The following TMPRSS3 variants were observed in gnomAD, a reference collection of about 807,000 sequenced individuals.
The protein encoded by TMPRSS3 is transmembrane protease serine 3.
A neutral mutation model predicts 59.6 loss-of-function variants in TMPRSS3; 55 were observed. That is an observed-to-expected ratio of 0.92 (90% confidence interval 0.74 to 1.16). The LOEUF is 1.16. Ranked by LOEUF, TMPRSS3 falls within the 50% of genes most tolerant of loss-of-function variation. The probability of loss-of-function intolerance (pLI) is 0.00; values close to 1 mark genes in which losing one functional copy is unlikely to be tolerated. For synonymous variants in TMPRSS3, 257 were observed against 237.7 expected (o/e 1.08, Z -0.75); for missense variants, 596 against 579.4 (o/e 1.03, Z -0.29).
At chr21:42,390,832 A>G (rs2146454411) in intron 2 of TMPRSS3, among the ~76,000 whole-genome samples, 1 of 152,020 alleles carries the variant, frequency 6.6e-6, no homozygotes, top group South Asian at 2.1e-4. Context: ...CATGAAGATG[A>G]AGGCAGAGAT....
intron 6 of TMPRSS3, among the ~76,000 whole-genome samples, chr21:42,384,887 G>T (rs1006284739): frequency 6.6e-6 from 1 of 152,154 alleles, no homozygotes; most frequent in Non-Finnish European, 1.5e-5. Flanking sequence ...TTACCTGGTG[G>T]TTATTTAAGA....
chr21:42,381,767 A>G lies in TMPRSS3; in HGVS notation c.952+298T>C. 1.1e-5 allele frequency: 6 copies of G among 527,330 alleles called. No homozygotes were observed. In the South Asian group the frequency reaches 1.2e-4, roughly 11 times the overall value. The allele number at this position is 527,330 out of a possible 1,614,324, so 32.7% of individuals were successfully genotyped here. A position where few individuals can be genotyped will look rare whatever the true frequency, so the allele number is the denominator to read the frequency against. ...TCATTCTGTAGGCCAGGATCTACAA[A>G]CTACATTTAAACAGGGTAACATTGA... On this transcript the variant is annotated intron_variant, in intron 9 of 12. Transcript: ENST00000644384.
chr21:42,395,233 G>A (rs1020381674), intron 2 of TMPRSS3, 91 bp downstream of exon 2: 2 of 1,091,064 alleles, frequency 1.8e-6, no homozygotes, highest in Non-Finnish European at 2.8e-6. Flanking sequence ...TGGCTGGGGA[G>A]ATATTTCCCC....
At chr21:42,383,392 A>T in intron 7 of TMPRSS3, 194 bp from the exon 8 acceptor site, 1 of 641,968 alleles carries the variant, frequency 1.6e-6, no homozygotes, top group Middle Eastern at 4.1e-4. Flanking sequence ...AGACCTGAGG[A>T]TGGTGGGTGC....
Position 42,372,577 on chromosome 21 carries a change from A to T in TMPRSS3, c.*185T>A, listed in dbSNP as rs1341462406. ...TCCATCTCAAAAAAACAAAAAACAA[A>T]AAGCAGCTTGAAGGTTGTGCTGGAA... On this transcript the variant is annotated 3_prime_UTR_variant, in exon 13 of 13. Coordinates refer to ENST00000644384, the MANE Select transcript of TMPRSS3 (RefSeq NM_001256317.3). 1.3e-6 allele frequency: 1 copy of T among 763,114 alleles called. No individual in the cohort carries two copies. The allele number at this position is 763,114 out of a possible 1,614,324, so 47.3% of individuals were successfully genotyped here.
chr21:42,391,570 G>A (rs1454462181), intron 2 of TMPRSS3, among the ~76,000 whole-genome samples: 2 of 152,222 alleles, frequency 1.3e-5, no homozygotes, highest in African/African-American at 4.8e-5. Context: ...GCAGACCACT[G>A]TAAAGATGAG....
At chr21:42,382,881 G>T in intron 8 of TMPRSS3, 152 bp downstream of exon 8, 1 of 918,746 alleles carries the variant, frequency 1.1e-6, no homozygotes, top group Non-Finnish European at 1.7e-6. Context: ...TGGGTCCACA[G>T]TGAGGCTGGA....
At position 42,389,913 on chromosome 21, in the gene TMPRSS3, T is replaced by G. The variant is rs751060281; in HGVS notation, c.205+14A>C. 7 of 1,580,268 alleles carry G rather than the reference T, an allele frequency of 4.4e-6. No homozygotes were observed. In the Admixed American group the frequency reaches 1.2e-4, roughly 26 times the overall value. ...AGGTATTTGAGATCCTACTAAATAA[T>G]GAATTGTACTCACTGCCCAGACCAA... On this transcript the variant is annotated intron_variant, in intron 3 of 12. Coordinates refer to ENST00000644384, the MANE Select transcript of TMPRSS3 (RefSeq NM_001256317.3).
intron 10 of TMPRSS3, 84 bp from the exon 11 acceptor site, chr21:42,376,767 G>A (rs1305641679): frequency 1.3e-6 from 2 of 1,592,902 alleles, no homozygotes; most frequent in Admixed American, 1.7e-5. Flanking sequence ...CCAGGGGGGT[G>A]AGGGAACGAG....
chr21:42,375,651 G>A (rs2146421243), intron 12 of TMPRSS3, 65 bp downstream of exon 12: 1 of 1,602,396 alleles, frequency 6.2e-7, no homozygotes, highest in Non-Finnish European at 8.5e-7. Flanking sequence ...GACCAGGGTT[G>A]CATTTAAGGG....
In TMPRSS3 at chr21:42,375,768, C is replaced by G. The variant is rs774754033; in HGVS notation, c.1292G>C (p.Gly431Ala). 1.2e-6 allele frequency: 2 copies of G among 1,613,766 alleles called. No homozygotes were observed. The highest frequency in any genetic ancestry group is 1.7e-6 in the Non-Finnish European group (2 of 1,180,040). ...GAAGGAGGTGACACGGGTGTACACCCCAGGCTTGTTCACCTCTGCGCAGCC... is the reference window on the plus strand; with the variant it reads ...GAAGGAGGTGACACGGGTGTACACCGCAGGCTTGTTCACCTCTGCGCAGCC... ...GIGCAEVNKP[G>A]VYTRVTSFLD... Residue 431 changes from glycine to alanine, a missense_variant, in exon 12 of 13, where the codon GGG becomes GCG. Physicochemically the swap from Gly to Ala is moderately conservative, Grantham distance 60. Coordinates refer to ENST00000644384, the MANE Select transcript of TMPRSS3 (RefSeq NM_001256317.3).
chr21:42,385,747 C>T (rs963263085), intron 5 of TMPRSS3, among the ~76,000 whole-genome samples: 6 of 152,162 alleles, frequency 3.9e-5, no homozygotes, highest in Admixed American at 2.6e-4. Flanking sequence ...GGATGACCCC[C>T]GCTTCTGGCC....
At chr21:42,384,642 G>A (rs1190473554) in intron 6 of TMPRSS3, among the ~76,000 whole-genome samples, 2 of 152,236 alleles carry the variant, frequency 1.3e-5, no homozygotes, top group African/African-American at 4.8e-5. Context: ...CCAGACTGTG[G>A]ATTTAGCACC....
intron 1 of TMPRSS3, 127 bp downstream of exon 1, chr21:42,395,815 G>C (rs1346833704): frequency 7.2e-6 from 3 of 417,232 alleles, no homozygotes; most frequent in Non-Finnish European, 9.6e-6. Flanking sequence ...TTGTTCAGAA[G>C]ATAAATTACT....
chr21:42,387,069 G>A (rs1453533769), intron 5 of TMPRSS3, among the ~76,000 whole-genome samples: 1 of 146,980 alleles, frequency 6.8e-6, no homozygotes, highest in East Asian at 2.0e-4. Flanking sequence ...ACGGGCTGGG[G>A]TGGAAGAGAG....
Position 42,376,606 on chromosome 21 carries a change from C to G in TMPRSS3, c.1126G>C (p.Gly376Arg). ...AGCATGGAGGGGGAGATGATGCCAC[C>G]GTACACGTCCCTGTGGTTGCAGATC... ...NKICNHRDVY[G>R]GIISPSMLCA... The change falls in exon 11 of 13, where the codon GGT (glycine) becomes CGT (arginine). Residue 376 changes from glycine (G) to arginine (R), a missense_variant. By Grantham distance (125) the Gly-to-Arg change is moderately radical (BLOSUM62 -2). Transcript: ENST00000644384. The G allele has an allele frequency of 6.2e-7, 1 of 1,614,032 alleles. No homozygotes were observed. The highest frequency in any genetic ancestry group is 8.5e-7 in the Non-Finnish European group (1 of 1,180,026).
At chr21:42,382,923 T>C in intron 8 of TMPRSS3, 110 bp downstream of exon 8, 1 of 1,299,204 alleles carries the variant, frequency 7.7e-7, no homozygotes, top group South Asian at 1.2e-5. Flanking sequence ...TACTTGGAGG[T>C]TAGTCTCTCT....
At chr21:42,385,032 T>TTC (rs2052603281) in intron 6 of TMPRSS3, among the ~76,000 whole-genome samples, 1 of 134,236 alleles carries the variant, frequency 7.4e-6, no homozygotes, top group Non-Finnish European at 1.6e-5. Context: ...ACCCTCCCTC[T>TTC]CTTCCTCCCT....
rs540715620 is a variant in TMPRSS3 at position 42,380,137 on chromosome 21, C to G, written c.1028G>C (p.Trp343Ser). 2.5e-6 allele frequency: 4 copies of G among 1,614,162 alleles called. No individual in the cohort carries two copies. The highest frequency in any genetic ancestry group is 2.7e-5 in the African/African-American group (2 of 75,070). The change falls in exon 10 of 13, where the codon TGG becomes TCG. Residue 343 changes from tryptophan to serine, a missense_variant. Transcript: ENST00000644384. ...PDGKVCWTSGWGATEDGGDAS... is the reference protein window; with the variant it reads ...PDGKVCWTSGSGATEDGGDAS... Reference sequence around the variant, plus strand: ...CTGACCTCCATCCTCTGTGGCCCCCCATCCTGACGTCCAGCACACTTTTCC... The same window carrying G: ...CTGACCTCCATCCTCTGTGGCCCCCGATCCTGACGTCCAGCACACTTTTCC...
Sources: gnomAD v4.1 joint callset for allele counts (sites outside exome capture counted in the v4.1 genomes callset) on GRCh38, gnomAD v4.1.1 for gene constraint, MANE v1.5 for transcripts, NCBI Gene and HGNC (gene_info 2026-07-23, HGNC 2026-07-21) for gene names.